Variants in OSBPL8 observed in about 807,000 individuals in gnomAD.
OSBPL8 encodes the protein oxysterol-binding protein-related protein 8.
In OSBPL8, 59 loss-of-function variants were observed where a neutral mutation model predicts 125.5. That is an observed-to-expected ratio of 0.47 (90% CI 0.38 to 0.58). OSBPL8 has a LOEUF of 0.58. Ranked by LOEUF, OSBPL8 falls within the 20% of genes least tolerant of loss-of-function variation. The probability of loss-of-function intolerance (pLI) is 0.00; values close to 1 mark genes in which losing one functional copy is unlikely to be tolerated. For synonymous variants in OSBPL8, 330 were observed against 338.9 expected, an observed-to-expected ratio of 0.97 and a Z score of 0.29; for missense variants, 758 against 1,047.8, an observed-to-expected ratio of 0.72 and a Z score of 3.82.
At chr12:76,417,323 C>A (rs1024337450) in intron 4 of OSBPL8, among the ~76,000 whole-genome samples, 1 of 152,172 alleles carries the variant, frequency 6.6e-6, no homozygotes, top group African/African-American at 2.4e-5. Flanking sequence ...TGTTTTCACC[C>A]TCTGTCTTTG....
At chr12:76,508,752 C>T (rs76295540) in intron 1 of OSBPL8, among the ~76,000 whole-genome samples, 2,004 of 152,266 alleles carry the variant, frequency 0.013, 32 homozygotes, top group African/African-American at 0.041. Context: ...CTCTCACCAG[C>T]GCCTGACAGT....
chr12:76,502,387 C>G (rs1172276100), intron 1 of OSBPL8, among the ~76,000 whole-genome samples: 2 of 152,144 alleles, frequency 1.3e-5, no homozygotes, highest in African/African-American at 4.8e-5. Flanking sequence ...TTCCACTGAA[C>G]TCGAAGTTAA....
chr12:76,364,864 A>G (rs1386929205), intron 21 of OSBPL8, among the ~76,000 whole-genome samples: 1 of 152,148 alleles, frequency 6.6e-6, no homozygotes, highest in Non-Finnish European at 1.5e-5. Flanking sequence ...TTGCAATTCC[A>G]TGTGAATTTG....
chr12:76,416,419 A>T (rs1868674041), intron 4 of OSBPL8, among the ~76,000 whole-genome samples: 1 of 152,120 alleles, frequency 6.6e-6, no homozygotes, highest in Non-Finnish European at 1.5e-5. Flanking sequence ...TTTGTCCATT[A>T]ACACACATTT....
At chr12:76,412,777 T>G (rs1408637874) in intron 4 of OSBPL8, among the ~76,000 whole-genome samples, 1 of 152,272 alleles carries the variant, frequency 6.6e-6, no homozygotes, top group Admixed American at 6.5e-5. Flanking sequence ...TTGACCAACA[T>G]CAACAAGTGA....
chr12:76,484,681 A>G (rs1877932477), intron 2 of OSBPL8, among the ~76,000 whole-genome samples: 1 of 152,178 alleles, frequency 6.6e-6, no homozygotes, highest in East Asian at 1.9e-4. Context: ...TAAATGTCTT[A>G]CAGAGCTCAT....
chr12:76,389,879 A>C (rs373879893), intron 11 of OSBPL8, 50 bp from the exon 12 acceptor site: 1 of 1,351,570 alleles, frequency 7.4e-7, no homozygotes, highest in African/African-American at 1.5e-5. Flanking sequence ...TTTCAGACAG[A>C]TATGTAAACA....
rs373986880 is a variant in OSBPL8 at position 76,394,831 on chromosome 12, G to T, written c.673-102C>A. 1.3e-5 allele frequency: 10 copies of T among 770,390 alleles called. 1 individual carries two copies. Among genetic ancestry groups the T allele is most frequent in the African/African-American group, 9.1e-5 (5 of 54,832 alleles). The allele number at this position is 770,390 out of a possible 1,614,324, so 47.7% of individuals were successfully genotyped here. A position where few individuals can be genotyped will look rare whatever the true frequency, so the allele number is the denominator to read the frequency against. On this transcript the variant is annotated intron_variant, in intron 8 of 23. Transcript: ENST00000261183. ...TCTGTAATAATCTAAATCAGGTATG[G>T]ATTATAATCTAAAGGCAAATGAGCT... is the stretch of plus-strand genomic sequence containing the variant.
intron 15 of OSBPL8, among the ~76,000 whole-genome samples, chr12:76,382,694 C>CCAA (rs1953113285): frequency 6.6e-6 from 1 of 152,076 alleles, no homozygotes; most frequent in Non-Finnish European, 1.5e-5. Context: ...ACCAGCCTGA[C>CCAA]CAACATGGTG....
chr12:76,520,703 T>A (rs561516398), intron 1 of OSBPL8, among the ~76,000 whole-genome samples: 46 of 152,174 alleles, frequency 3.0e-4, no homozygotes, highest in African/African-American at 1.1e-3. Context: ...GTAAATGTGT[T>A]CCATCAGAGA....
At position 76,354,951 on chromosome 12, in the gene OSBPL8, C is replaced by T. The variant is rs1043648724; in HGVS notation, c.*938G>A. ...ACTGGTTATATTTTTTTATATTCTA[C>T]TTATTCACTGAACACACTGGAGTCT... On this transcript the variant is annotated 3_prime_UTR_variant, in exon 24 of 24. Transcript: ENST00000261183. The T allele has an allele frequency of 4.6e-5, 7 of 151,964 alleles. No individual in the cohort carries two copies. Among genetic ancestry groups the T allele is most frequent in the Non-Finnish European group, 7.4e-5 (5 of 67,870 alleles). The allele number at this position is 151,964 out of a possible 1,614,324, so 9.4% of individuals were successfully genotyped here.
At chr12:76,437,538 A>C (rs1871614938) in intron 4 of OSBPL8, among the ~76,000 whole-genome samples, 1 of 152,084 alleles carries the variant, frequency 6.6e-6, no homozygotes, top group African/African-American at 2.4e-5. Flanking sequence ...CTTTCTCTGG[A>C]TATTAATCCT....
intron 16 of OSBPL8, 88 bp from the exon 17 acceptor site, chr12:76,375,458 G>C (rs1325194726): frequency 1.2e-6 from 1 of 830,796 alleles, no homozygotes; most frequent in Middle Eastern, 3.7e-4. Flanking sequence ...TAATCTTTTA[G>C]GAGAAACATA....
At chr12:76,556,821 G>A (rs1951116867) in intron 1 of OSBPL8, among the ~76,000 whole-genome samples, 2 of 151,978 alleles carry the variant, frequency 1.3e-5, no homozygotes, top group Admixed American at 6.6e-5. Context: ...ACACTGCCAC[G>A]CCCAGCTAAT....
At chr12:76,486,656 T>A (rs921205783) in intron 2 of OSBPL8, among the ~76,000 whole-genome samples, 4 of 152,342 alleles carry the variant, frequency 2.6e-5, no homozygotes, top group African/African-American at 9.6e-5. Context: ...GGTATACTTT[T>A]CCTGCTACCC....
At chr12:76,492,662 C>A (rs1878845231) in intron 1 of OSBPL8, among the ~76,000 whole-genome samples, 1 of 152,212 alleles carries the variant, frequency 6.6e-6, no homozygotes, top group Non-Finnish European at 1.5e-5. Flanking sequence ...TCTAGGTTAT[C>A]TGCTCCTTAT....
chr12:76,451,544 G>A (rs1394616034), intron 3 of OSBPL8, among the ~76,000 whole-genome samples: 6 of 152,190 alleles, frequency 3.9e-5, no homozygotes, highest in Non-Finnish European at 7.3e-5. Flanking sequence ...CCTTGCCTGA[G>A]GCTAAACAGT....
At chr12:76,443,750 G>A (rs1317674372) in intron 4 of OSBPL8, among the ~76,000 whole-genome samples, 5 of 152,022 alleles carry the variant, frequency 3.3e-5, no homozygotes, top group African/African-American at 7.2e-5. Context: ...CAGGTTATCT[G>A]CCCCCCTTGG....
At chr12:76,489,448 G>C (rs974556786) in intron 1 of OSBPL8, among the ~76,000 whole-genome samples, 4 of 152,188 alleles carry the variant, frequency 2.6e-5, no homozygotes, top group African/African-American at 9.7e-5. Flanking sequence ...GTTTGAAGTT[G>C]AAGCCAATGT....
Sources: gnomAD v4.1 joint callset for allele counts (sites outside exome capture counted in the v4.1 genomes callset) on GRCh38, gnomAD v4.1.1 for gene constraint, MANE v1.5 for transcripts, NCBI Gene and HGNC (gene_info 2026-07-23, HGNC 2026-07-21) for gene names.